Variants in CENPW observed in about 807,000 individuals in gnomAD.
CENPW encodes the protein cancer-up-regulated gene 2 protein.
Under a neutral mutation model 11.1 loss-of-function variants are expected in CENPW, and 3 were observed. That is an observed-to-expected ratio of 0.27 (90% CI 0.12 to 0.70). The LOEUF (loss-of-function observed/expected upper bound fraction) is 0.70, where lower values mean the gene tolerates loss of function less well. Ranked by LOEUF, CENPW falls within the 30% of genes least tolerant of loss-of-function variation. The pLI, the probability that CENPW is intolerant of heterozygous loss-of-function variation, is 0.77. For missense variants in CENPW, 100 were observed against 105.6 expected, an observed-to-expected ratio of 0.95 and a Z score of 0.23; for synonymous variants, 38 against 42.0, an observed-to-expected ratio of 0.91 and a Z score of 0.37.
the CENPW span, among the ~76,000 whole-genome samples, chr6:126,448,314 T>A: frequency 1.3e-5 from 2 of 151,162 alleles, no homozygotes; most frequent in African/African-American, 4.8e-5. Context: ...CTCTGGTACT[T>A]AATATGTAGT....
the CENPW span, among the ~76,000 whole-genome samples, chr6:126,473,749 TAGCATATATATATAGAATATATATGCAC>T: frequency 1.4e-5 from 2 of 146,738 alleles, no homozygotes; most frequent in African/African-American, 2.5e-5. Flanking sequence ...TCTCTCTCTC[TAGCATATATATATAGAATATATATGCAC>T]AGCATAGATA....
chr6:126,440,385 G>A, the CENPW span, among the ~76,000 whole-genome samples: 1 of 151,578 alleles, frequency 6.6e-6, no homozygotes, highest in Non-Finnish European at 1.5e-5. Flanking sequence ...CTATTGTATT[G>A]CAAGTGCCAC....
intron 2 of CENPW, among the ~76,000 whole-genome samples, chr6:126,347,522 G>C (rs1428451939): frequency 1.3e-5 from 2 of 152,014 alleles, no homozygotes; most frequent in African/African-American, 4.8e-5. Context: ...ACTTTCTTTT[G>C]AAGTACCCAT....
chr6:126,417,165 A>C, the CENPW span, among the ~76,000 whole-genome samples: 2 of 152,176 alleles, frequency 1.3e-5, no homozygotes, highest in African/African-American at 4.8e-5. Flanking sequence ...TTGGAGCTTT[A>C]AGATTTGACT....
chr6:126,398,265 G>A, the CENPW span, among the ~76,000 whole-genome samples: 12 of 152,240 alleles, frequency 7.9e-5, no homozygotes, highest in East Asian at 2.3e-3. Flanking sequence ...AGGCTTCATA[G>A]GAAAGACCTG....
the CENPW span, among the ~76,000 whole-genome samples, chr6:126,366,788 G>A: frequency 6.6e-6 from 1 of 152,100 alleles, no homozygotes; most frequent in South Asian, 2.1e-4. Flanking sequence ...GATAAAGAAC[G>A]GAGATTTATT....
chr6:126,399,331 A>G, the CENPW span, among the ~76,000 whole-genome samples: 4 of 152,122 alleles, frequency 2.6e-5, no homozygotes, highest in Non-Finnish European at 4.4e-5. Flanking sequence ...AGGGCCGGCT[A>G]TATCAAATGA....
the CENPW span, among the ~76,000 whole-genome samples, chr6:126,452,236 C>T: frequency 1.3e-5 from 2 of 150,990 alleles, no homozygotes; most frequent in South Asian, 4.1e-4. Flanking sequence ...TTCAAAATAA[C>T]GTGATATATG....
chr6:126,437,725 A>G, the CENPW span, among the ~76,000 whole-genome samples: 1,261 of 151,882 alleles, frequency 8.3e-3, 14 homozygotes, highest in African/African-American at 0.029. Flanking sequence ...CAAATTATCA[A>G]TTTTGGTTTT....
At chr6:126,414,920 T>G in the CENPW span, among the ~76,000 whole-genome samples, 5 of 151,900 alleles carry the variant, frequency 3.3e-5, no homozygotes, top group Admixed American at 6.5e-5. Flanking sequence ...AAATTATAAT[T>G]GATACCAGAG....
the CENPW span, among the ~76,000 whole-genome samples, chr6:126,427,650 T>A: frequency 6.6e-6 from 1 of 152,234 alleles, no homozygotes; most frequent in African/African-American, 2.4e-5. Context: ...TATTATATTA[T>A]GCATTTTTAA....
the CENPW span, among the ~76,000 whole-genome samples, chr6:126,360,902 C>G: frequency 1.4e-5 from 2 of 143,184 alleles, no homozygotes; most frequent in Non-Finnish European, 3.1e-5. Context: ...ATTCTGAATT[C>G]TGTGTGTGTC....
intron 1 of CENPW, among the ~76,000 whole-genome samples, chr6:126,344,196 A>G (rs1264032242): frequency 6.6e-6 from 1 of 152,214 alleles, no homozygotes; most frequent in Non-Finnish European, 1.5e-5. Context: ...AAGACAGCTA[A>G]GTGAGAAATT....
At chr6:126,442,678 C>A in the CENPW span, among the ~76,000 whole-genome samples, 1 of 151,272 alleles carries the variant, frequency 6.6e-6, no homozygotes, top group African/African-American at 2.4e-5. Context: ...CTGGCTCTCT[C>A]TTGATATGAC....
At chr6:126,367,785 C>G in the CENPW span, among the ~76,000 whole-genome samples, 2 of 152,034 alleles carry the variant, frequency 1.3e-5, no homozygotes, top group Non-Finnish European at 2.9e-5. Context: ...GAAGTAATTA[C>G]ACCAAAGGCT....
chr6:126,397,929 T>C, the CENPW span, among the ~76,000 whole-genome samples: 1 of 152,170 alleles, frequency 6.6e-6, no homozygotes, highest in Non-Finnish European at 1.5e-5. Flanking sequence ...AGATAAAAGA[T>C]GTATACCTTC....
At chr6:126,478,669 C>A in the CENPW span, among the ~76,000 whole-genome samples, 1 of 152,120 alleles carries the variant, frequency 6.6e-6, no homozygotes, top group East Asian at 1.9e-4. Flanking sequence ...CACCTACCTA[C>A]TACTCACTGC....
chr6:126,347,436 T>G (rs962209515), intron 2 of CENPW, among the ~76,000 whole-genome samples: 1 of 152,178 alleles, frequency 6.6e-6, no homozygotes, highest in African/African-American at 2.4e-5. Context: ...AGGAAACTTG[T>G]TGAACTCCAT....
chr6:126,446,779 T>C, the CENPW span, among the ~76,000 whole-genome samples: 1 of 151,250 alleles, frequency 6.6e-6, no homozygotes, highest in Admixed American at 6.6e-5. Context: ...AAATTAACAT[T>C]GTACGTAGTT....
Sources: gnomAD v4.1 joint callset for allele counts (sites outside exome capture counted in the v4.1 genomes callset) on GRCh38, gnomAD v4.1.1 for gene constraint, MANE v1.5 for transcripts, NCBI Gene and HGNC (gene_info 2026-07-23, HGNC 2026-07-21) for gene names.